Variants in AMOTL1 observed in about 807,000 individuals in gnomAD.
The protein encoded by AMOTL1 is angiomotin like 1, also known as angiomotin-like protein 1.
AMOTL1 carries 45 observed loss-of-function variants against 102.9 expected under a neutral mutation model. The ratio of observed to expected loss-of-function variants is 0.44; its 90% CI spans 0.34 to 0.56. AMOTL1 has a LOEUF of 0.56. Ranked by LOEUF, AMOTL1 falls within the 20% of genes least tolerant of loss-of-function variation. AMOTL1 has a pLI of 0.01. For missense variants in AMOTL1, 1,114 were observed against 1,225.6 expected (o/e 0.91, Z 1.36); for synonymous variants, 481 against 484.7 (o/e 0.99, Z 0.10).
intron 6 of AMOTL1, 31 bp from the exon 7 acceptor site, chr11:94,850,083 A>G: frequency 2.6e-6 from 4 of 1,562,678 alleles, no homozygotes; most frequent in Non-Finnish European, 3.5e-6. Flanking sequence ...AATTTCTGAT[A>G]GAGGTAGTTT....
chr11:94,872,025 C>A lies in AMOTL1; in HGVS notation c.*1230C>A. ...TCGATCAGCATCCAGACCTCCGTGG[C>A]ACCAGGTTGCCTCTGTTGTGAACTT... On this transcript the variant is annotated 3_prime_UTR_variant, in exon 13 of 13. Transcript: ENST00000433060. The A allele has an allele frequency of 6.6e-6, 1 of 152,282 alleles. No homozygotes were observed. The allele number at this position is 152,282 out of a possible 1,614,324, so 9.4% of individuals were successfully genotyped here.
At chr11:94,770,647 T>G (rs1207625726) in intron 1 of AMOTL1, among the ~76,000 whole-genome samples, 5 of 152,230 alleles carry the variant, frequency 3.3e-5, no homozygotes, top group Admixed American at 2.0e-4. Context: ...TTTCAGGTTC[T>G]TTGCAGATGA....
At chr11:94,744,933 A>G (rs190901742) in intron 3 of AMOTL1, among the ~76,000 whole-genome samples, 11 of 152,330 alleles carry the variant, frequency 7.2e-5, no homozygotes, top group African/African-American at 2.4e-4. Context: ...TTGAAGAAAT[A>G]TGGTTTTTTA....
intron 6 of AMOTL1, among the ~76,000 whole-genome samples, chr11:94,839,326 C>T (rs919176647): frequency 4.6e-5 from 7 of 152,362 alleles, no homozygotes; most frequent in African/African-American, 1.7e-4. Flanking sequence ...AAGCACTCTG[C>T]TAGCCCTCAC....
intron 1 of AMOTL1, among the ~76,000 whole-genome samples, chr11:94,780,495 A>G (rs1373060086): frequency 6.6e-6 from 1 of 152,236 alleles, no homozygotes; most frequent in Non-Finnish European, 1.5e-5. Flanking sequence ...TGTTAGCTGA[A>G]TAGTCTGACC....
intron 1 of AMOTL1, among the ~76,000 whole-genome samples, chr11:94,786,407 C>T (rs1398051323): frequency 2.0e-5 from 3 of 152,122 alleles, no homozygotes; most frequent in Admixed American, 6.5e-5. Flanking sequence ...GCCTCTGCCC[C>T]GGTGCCCAGA....
At chr11:94,803,169 A>G (rs1951508410) in intron 3 of AMOTL1, among the ~76,000 whole-genome samples, 1 of 152,260 alleles carries the variant, frequency 6.6e-6, no homozygotes, top group African/African-American at 2.4e-5. Context: ...GCCTAGAGGT[A>G]GAAAGCTCCA....
At chr11:94,723,258 G>GA (rs111415573) in intron 1 of AMOTL1, among the ~76,000 whole-genome samples, 2,179 of 152,146 alleles carry the variant, frequency 0.014, 64 homozygotes, top group African/African-American at 0.05. Flanking sequence ...TCCTGCAATG[G>GA]AAAAATCATT....
chr11:94,839,438 G>A (rs955580748), intron 6 of AMOTL1, among the ~76,000 whole-genome samples: 1 of 152,200 alleles, frequency 6.6e-6, no homozygotes, highest in Non-Finnish European at 1.5e-5. Context: ...TAAGTAACTT[G>A]TCCATGGTCA....
chr11:94,777,025 T>C (rs902766102), intron 1 of AMOTL1, among the ~76,000 whole-genome samples: 4 of 152,252 alleles, frequency 2.6e-5, no homozygotes, highest in African/African-American at 9.6e-5. Context: ...ATTAAATTCA[T>C]TGCAGAAAAA....
intron 2 of AMOTL1, among the ~76,000 whole-genome samples, chr11:94,796,748 C>T (rs747814005): frequency 4.7e-4 from 71 of 152,250 alleles, no homozygotes; most frequent in Admixed American, 1.1e-3. Context: ...AGGACAGTAA[C>T]AATGTCATCT....
At chr11:94,757,507 G>A (rs1950740679) in intron 3 of AMOTL1, among the ~76,000 whole-genome samples, 1 of 152,048 alleles carries the variant, frequency 6.6e-6, no homozygotes, top group Non-Finnish European at 1.5e-5. Flanking sequence ...CACCTCTGGT[G>A]GTTTAAAAAG....
rs1013609253 is a variant in AMOTL1 at position 94,874,667 on chromosome 11, G to A, written c.*3872G>A. ...CCTGGGTGCGCACCCTCATGATGCA[G>A]TGGCTGTAGCACCTTCATGCCAGGT... On this transcript the variant is annotated 3_prime_UTR_variant, in exon 13 of 13. Coordinates refer to ENST00000433060, the MANE Select transcript of AMOTL1 (RefSeq NM_130847.3). The A allele has an allele frequency of 6.6e-6, 1 of 152,218 alleles. No homozygotes were observed. The highest frequency in any genetic ancestry group is 1.5e-5 in the Non-Finnish European group (1 of 68,052). The allele number at this position is 152,218 out of a possible 1,614,324, so 9.4% of individuals were successfully genotyped here. A position where few individuals can be genotyped will look rare whatever the true frequency, so the allele number is the denominator to read the frequency against.
At chr11:94,752,515 A>G (rs894597959) in intron 3 of AMOTL1, among the ~76,000 whole-genome samples, 1 of 152,228 alleles carries the variant, frequency 6.6e-6, no homozygotes, top group Non-Finnish European at 1.5e-5. Flanking sequence ...ATGAACATTT[A>G]TCCCCATGGC....
intron 3 of AMOTL1, among the ~76,000 whole-genome samples, chr11:94,746,591 C>G (rs1314307168): frequency 3.3e-5 from 5 of 152,296 alleles, no homozygotes; most frequent in Admixed American, 6.5e-5. Context: ...CTGGCTTGCT[C>G]CTATCTAGCC....
Position 94,835,468 on chromosome 11 carries a change from G to A in AMOTL1, c.1648+3927G>A, listed in dbSNP as rs115010240. ...TTTTAAAACTGTTTCTTTCGAAAAT[G>A]GATAGCGCTGCAGAATTCCCATCAG... On this transcript the variant is annotated intron_variant, in intron 6 of 12. Transcript: ENST00000433060. Among the ~76,000 whole-genome samples the A allele has an allele frequency of 1.3e-3, 204 of 152,306 alleles. 1 individual carries two copies. The highest frequency in any genetic ancestry group is 4.6e-3 in the African/African-American group (192 of 41,556).
chr11:94,779,805 A>T (rs1951081601), intron 1 of AMOTL1, among the ~76,000 whole-genome samples: 1 of 152,200 alleles, frequency 6.6e-6, no homozygotes, highest in South Asian at 2.1e-4. Flanking sequence ...TCTGTTGCAT[A>T]GGATACTAAA....
intron 1 of AMOTL1, among the ~76,000 whole-genome samples, chr11:94,776,268 C>T (rs144854750): frequency 6.6e-6 from 1 of 152,230 alleles, no homozygotes; most frequent in African/African-American, 2.4e-5. Context: ...TAAGGTTCAT[C>T]TCCTTGCCCA....
Position 94,821,624 on chromosome 11 carries a change from T to A in AMOTL1, c.1216T>A (p.Ser406Thr), listed in dbSNP as rs762826191. 1.2e-6 allele frequency: 2 copies of A among 1,613,674 alleles called. No homozygotes were observed. The highest frequency in any genetic ancestry group is 1.7e-6 in the Non-Finnish European group (2 of 1,179,812). ...CGCCAGCGGGCCACTGCACTCTGTC[T>A]CCCTGCCGCTTCCACTCCCGATGGC... The part of the protein sequence containing the change: ...SSASGPLHSV[S>T]LPLPLPMALG... Residue 406 changes from serine to threonine, a missense_variant, in exon 4 of 13, where the codon TCC becomes ACC. Ser to Thr is a moderately conservative substitution (Grantham distance 58). Coordinates refer to ENST00000433060, the MANE Select transcript of AMOTL1 (RefSeq NM_130847.3).
Sources: gnomAD v4.1 joint callset for allele counts (sites outside exome capture counted in the v4.1 genomes callset) on GRCh38, gnomAD v4.1.1 for gene constraint, MANE v1.5 for transcripts, NCBI Gene and HGNC (gene_info 2026-07-23, HGNC 2026-07-21) for gene names.